Variants in GRIN2A observed in about 807,000 individuals in gnomAD.
The protein encoded by GRIN2A is glutamate receptor ionotropic, NMDA 2A.
Under a neutral mutation model 113.4 loss-of-function variants are expected in GRIN2A, and 22 were observed. The observed-to-expected ratio is 0.19, with a 90% CI of 0.14 to 0.28. The LOEUF (loss-of-function observed/expected upper bound fraction) is 0.28, where lower values mean the gene tolerates loss of function less well. GRIN2A is among the 10% of genes least tolerant of loss of function. The pLI is 1.00. For synonymous variants in GRIN2A, 827 were observed against 738.4 expected (o/e 1.12, Z -1.94); for missense variants, 1,502 against 1,887.0 (o/e 0.80, Z 3.78).
At chr16:10,069,810 T>C (rs1332262376) in intron 2 of GRIN2A, among the ~76,000 whole-genome samples, 1 of 152,242 alleles carries the variant, frequency 6.6e-6, no homozygotes, top group Admixed American at 6.5e-5. Context: ...TCCAGCAAGC[T>C]GTGCATGACC....
chr16:10,094,141 G>A (rs1035605339), intron 2 of GRIN2A, among the ~76,000 whole-genome samples: 2 of 152,192 alleles, frequency 1.3e-5, no homozygotes. Context: ...GTGTACAGAG[G>A]AGATACCAAT....
intron 2 of GRIN2A, among the ~76,000 whole-genome samples, chr16:9,995,644 T>A (rs1463897484): frequency 6.6e-6 from 1 of 151,172 alleles, no homozygotes; most frequent in Admixed American, 6.6e-5. Flanking sequence ...AAGGTCCCAG[T>A]CATCTAATAA....
intron 4 of GRIN2A, among the ~76,000 whole-genome samples, chr16:9,855,999 TG>T (rs950397219): frequency 1.3e-4 from 20 of 152,210 alleles, no homozygotes; most frequent in African/African-American, 4.3e-4. Flanking sequence ...CATTCCTAGC[TG>T]GGGCACAGTG....
chr16:10,103,519 T>G (rs2048439265), intron 2 of GRIN2A, among the ~76,000 whole-genome samples: 1 of 152,220 alleles, frequency 6.6e-6, no homozygotes, highest in African/African-American at 2.4e-5. Context: ...TTCTTGAAGT[T>G]TTATGGCTAT....
intron 2 of GRIN2A, among the ~76,000 whole-genome samples, chr16:9,993,219 C>G (rs552223026): frequency 1.3e-5 from 2 of 151,800 alleles, no homozygotes; most frequent in South Asian, 2.1e-4. Flanking sequence ...GGCTACACAG[C>G]AAGACTCTGT....
intron 4 of GRIN2A, among the ~76,000 whole-genome samples, chr16:9,885,843 G>T (rs1181790739): frequency 6.6e-6 from 1 of 152,212 alleles, no homozygotes; most frequent in East Asian, 1.9e-4. Context: ...AGTGCCAAGA[G>T]GATAGAGCAA....
At chr16:10,088,533 C>T (rs796104222) in intron 2 of GRIN2A, among the ~76,000 whole-genome samples, 5 of 152,340 alleles carry the variant, frequency 3.3e-5, no homozygotes, top group African/African-American at 9.6e-5. Flanking sequence ...ACAAGATCAG[C>T]GTCTGATCCT....
chr16:9,765,034 G>A, intron 12 of GRIN2A, 86 bp from the exon 13 acceptor site: 7 of 1,546,818 alleles, frequency 4.5e-6, no homozygotes, highest in Non-Finnish European at 6.2e-6. Context: ...CTGCAAAGGT[G>A]AGATTTGCAC....
intron 5 of GRIN2A, among the ~76,000 whole-genome samples, chr16:9,843,666 C>T (rs2042721925): frequency 6.6e-6 from 1 of 152,192 alleles, no homozygotes; most frequent in African/African-American, 2.4e-5. Context: ...CTTCTGTCAA[C>T]CCAGACCACC....
At chr16:10,139,863 T>C (rs2049287505) in intron 2 of GRIN2A, among the ~76,000 whole-genome samples, 1 of 152,158 alleles carries the variant, frequency 6.6e-6, no homozygotes, top group Non-Finnish European at 1.5e-5. Flanking sequence ...AGTCTCACTC[T>C]ATCCCCCAGG....
intron 2 of GRIN2A, among the ~76,000 whole-genome samples, chr16:10,053,610 G>A (rs908085214): frequency 1.3e-5 from 2 of 152,208 alleles, no homozygotes; most frequent in African/African-American, 4.8e-5. Flanking sequence ...TTGCACTAAG[G>A]TGGATTGCCC....
intron 4 of GRIN2A, among the ~76,000 whole-genome samples, chr16:9,860,445 C>CAAAAAAAAAAAAAA (rs35715098): frequency 6.9e-5 from 4 of 57,952 alleles, no homozygotes; most frequent in African/African-American, 2.4e-4. Context: ...AAGAGTCTCT[C>CAAAAAAAAAAAAAA]AAAAAAAAAA....
intron 2 of GRIN2A, among the ~76,000 whole-genome samples, chr16:10,089,904 G>T (rs1336506870): frequency 6.6e-6 from 1 of 152,002 alleles, no homozygotes; most frequent in Admixed American, 6.6e-5. Context: ...TGAGGGGGAG[G>T]CTCAAGTAGT....
chr16:10,153,692 T>C (rs2049630624), intron 2 of GRIN2A, among the ~76,000 whole-genome samples: 2 of 152,130 alleles, frequency 1.3e-5, no homozygotes, highest in Non-Finnish European at 1.5e-5. Context: ...TAATTGAGAC[T>C]CCAATACCAA....
At chr16:10,009,398 A>G (rs1156352956) in intron 2 of GRIN2A, among the ~76,000 whole-genome samples, 2 of 152,202 alleles carry the variant, frequency 1.3e-5, no homozygotes, top group Admixed American at 6.5e-5. Flanking sequence ...ATTAGGAGCT[A>G]AGAAGAGGTG....
intron 2 of GRIN2A, among the ~76,000 whole-genome samples, chr16:9,973,890 G>C (rs898637850): frequency 1.3e-5 from 2 of 152,104 alleles, no homozygotes; most frequent in Non-Finnish European, 2.9e-5. Flanking sequence ...ATTTCCAGCA[G>C]ACCAGCCCTT....
chr16:9,780,670 G>C (rs534965151), intron 11 of GRIN2A, among the ~76,000 whole-genome samples: 2 of 152,288 alleles, frequency 1.3e-5, no homozygotes, highest in African/African-American at 4.8e-5. Context: ...TGGATATTGG[G>C]ATTTGTGCAA....
chr16:9,783,250 G>A (rs943424372), intron 11 of GRIN2A, among the ~76,000 whole-genome samples: 1 of 152,150 alleles, frequency 6.6e-6, no homozygotes, highest in Non-Finnish European at 1.5e-5. Context: ...CACTTTCCCC[G>A]TGGTTTCACA....
At chr16:9,789,521 A>T (rs1186275164) in intron 11 of GRIN2A, among the ~76,000 whole-genome samples, 3 of 151,718 alleles carry the variant, frequency 2.0e-5, no homozygotes, top group Non-Finnish European at 2.9e-5. Flanking sequence ...TTGGAAAACA[A>T]ACCTTGGTTG....
Sources: allele counts gnomAD v4.1 joint callset (sites outside exome capture counted in the v4.1 genomes callset), GRCh38; gene constraint gnomAD v4.1.1; transcripts MANE v1.5; gene names NCBI Gene and HGNC (gene_info 2026-07-23, HGNC 2026-07-21).